The following NOCT variants were observed in gnomAD, a reference collection of about 807,000 sequenced individuals.
The protein encoded by NOCT is CCR4 carbon catabolite repression 4-like.
Under a neutral mutation model 35.0 loss-of-function variants are expected in NOCT, and 18 were observed. The ratio of observed to expected loss-of-function variants is 0.51; its 90% CI spans 0.36 to 0.76. The LOEUF (loss-of-function observed/expected upper bound fraction) is 0.76. Ranked by LOEUF, NOCT falls within the 30% of genes least tolerant of loss-of-function variation. The probability of loss-of-function intolerance (pLI) is 0.01; values close to 1 mark genes in which losing one functional copy is unlikely to be tolerated. For synonymous variants in NOCT, 235 were observed against 226.3 expected, an observed-to-expected ratio of 1.04 and a Z score of -0.34; for missense variants, 479 against 541.0, an observed-to-expected ratio of 0.89 and a Z score of 1.14.
intron 1 of NOCT, among the ~76,000 whole-genome samples, chr4:139,036,614 G>A (rs1264489172): frequency 6.6e-6 from 1 of 152,084 alleles, no homozygotes; most frequent in East Asian, 1.9e-4. Flanking sequence ...TGCATAGTTA[G>A]CACCCAGTTT....
rs557342768 is a variant in NOCT at position 139,039,862 on chromosome 4, G to C, written c.191-3212G>C. ...CCTGCCTCACCCTCGCGAGTAGCTG[G>C]GATTACAGGCGCCCAACACCATGCC... On this transcript the variant is annotated intron_variant, in intron 1 of 2. Coordinates refer to ENST00000280614, the MANE Select transcript of NOCT (RefSeq NM_012118.4). 5.3e-5 allele frequency among the ~76,000 whole-genome samples: 8 copies of C among 152,014 alleles called. No individual in the cohort carries two copies. In the East Asian group the frequency reaches 1.4e-3, roughly 26 times the overall value.
chr4:139,018,338 T>G (rs1014691882), intron 1 of NOCT, among the ~76,000 whole-genome samples: 1 of 152,180 alleles, frequency 6.6e-6, no homozygotes, highest in Non-Finnish European at 1.5e-5. Flanking sequence ...GTGTAAAACA[T>G]AGATGGCTGT....
chr4:139,045,250 G>C lies in NOCT; in HGVS notation c.1072G>C (p.Glu358Gln), dbSNP rs1243083050. 3.1e-6 allele frequency: 5 copies of C among 1,614,036 alleles called. No individual in the cohort carries two copies. Among genetic ancestry groups the C allele is most frequent in the Non-Finnish European group, 4.2e-6 (5 of 1,180,046 alleles). ...YKLLSADGQS[E>Q]PPYTTWKIRT... ...GCTGCTGAGTGCTGATGGGCAGTCA[G>C]AACCCCCATACACTACCTGGAAGAT... Residue 358 changes from glutamate (E) to glutamine (Q), a missense_variant, in exon 3 of 3, where the codon GAA (glutamate) becomes CAA (glutamine). Coordinates refer to ENST00000280614, the MANE Select transcript of NOCT (RefSeq NM_012118.4).
chr4:139,030,316 A>G (rs1726600518), intron 1 of NOCT, among the ~76,000 whole-genome samples: 1 of 152,204 alleles, frequency 6.6e-6, no homozygotes, highest in African/African-American at 2.4e-5. Context: ...TGCTTGGTAT[A>G]CCATAAAATG....
intron 1 of NOCT, among the ~76,000 whole-genome samples, chr4:139,023,563 T>G (rs1233932187): frequency 6.6e-6 from 1 of 152,184 alleles, no homozygotes; most frequent in Non-Finnish European, 1.5e-5. Flanking sequence ...TGGCGCGATG[T>G]CAGCTCACTG....
intron 1 of NOCT, among the ~76,000 whole-genome samples, chr4:139,039,763 C>G (rs1406158481): frequency 6.6e-6 from 1 of 152,088 alleles, no homozygotes; most frequent in African/African-American, 2.4e-5. Flanking sequence ...GAGTATCGCT[C>G]TATTGCCAGG....
chr4:139,016,939 C>T (rs1726322008), intron 1 of NOCT, among the ~76,000 whole-genome samples: 1 of 150,512 alleles, frequency 6.6e-6, no homozygotes, highest in South Asian at 2.1e-4. Flanking sequence ...AGGCGTGAGC[C>T]ACCGCGCTCG....
At chr4:139,017,792 G>A (rs891351697) in intron 1 of NOCT, among the ~76,000 whole-genome samples, 2 of 151,840 alleles carry the variant, frequency 1.3e-5, no homozygotes, top group Admixed American at 6.6e-5. Flanking sequence ...GTAAAACTCC[G>A]TCTCAAAACA....
At chr4:139,035,051 T>C (rs1251654198) in intron 1 of NOCT, among the ~76,000 whole-genome samples, 1 of 152,222 alleles carries the variant, frequency 6.6e-6, no homozygotes, top group Non-Finnish European at 1.5e-5. Flanking sequence ...TCCTATTTTC[T>C]GTAAACCCTG....
intron 1 of NOCT, among the ~76,000 whole-genome samples, chr4:139,033,065 CA>C (rs1435993785): frequency 2.7e-5 from 4 of 147,766 alleles, no homozygotes; most frequent in Admixed American, 1.4e-4. Flanking sequence ...ACTCCATCTC[CA>C]AAAAAAAAGT....
At chr4:139,035,845 T>A (rs1168357414) in intron 1 of NOCT, among the ~76,000 whole-genome samples, 1 of 152,098 alleles carries the variant, frequency 6.6e-6, no homozygotes, top group Non-Finnish European at 1.5e-5. Flanking sequence ...ATCCCCTCTG[T>A]TTATCAAGCT....
At position 139,042,071 on chromosome 4, in the gene NOCT, C is replaced by CTTTTT. The variant is rs368776726; in HGVS notation, c.191-987_191-983dup. 6.2e-3 allele frequency among the ~76,000 whole-genome samples: 669 copies of CTTTTT among 108,730 alleles called. 18 individuals are homozygous for CTTTTT. Among genetic ancestry groups the CTTTTT allele is most frequent in the Middle Eastern group, 0.01 (2 of 192 alleles). The allele number at this position is 108,730 out of a possible 152,430, so 71.3% of individuals were successfully genotyped here. A position where few individuals can be genotyped will look rare whatever the true frequency, so the allele number is the denominator to read the frequency against. ...CTTTTTACAAACTAGTCTTTAAGAT[C>CTTTTT]TTTTTTTTTTTTTTTTTTTTGAGTC... On this transcript the variant is annotated intron_variant, in intron 1 of 2. Transcript: ENST00000280614.
chr4:139,026,714 C>T (rs1453702276), intron 1 of NOCT, among the ~76,000 whole-genome samples: 2 of 151,900 alleles, frequency 1.3e-5, no homozygotes, highest in African/African-American at 4.8e-5. Flanking sequence ...TCACACCCAA[C>T]TAATTTTTGT....
chr4:139,017,088 A>G (rs1726325615), intron 1 of NOCT, among the ~76,000 whole-genome samples: 1 of 151,374 alleles, frequency 6.6e-6, no homozygotes. Flanking sequence ...ATACATCATA[A>G]TAACTACCCT....
chr4:139,037,321 T>C (rs1210681377), intron 1 of NOCT, among the ~76,000 whole-genome samples: 1 of 152,212 alleles, frequency 6.6e-6, no homozygotes, highest in Non-Finnish European at 1.5e-5. Context: ...GAAAGGCAAA[T>C]TGCAGTGTAT....
At chr4:139,033,246 A>T (rs28650192) in intron 1 of NOCT, among the ~76,000 whole-genome samples, 1 of 151,800 alleles carries the variant, frequency 6.6e-6, no homozygotes, top group Non-Finnish European at 1.5e-5. Flanking sequence ...GTGACATAAT[A>T]CCAGCTACTC....
At chr4:139,026,027 T>C (rs1426564646) in intron 1 of NOCT, among the ~76,000 whole-genome samples, 1 of 152,172 alleles carries the variant, frequency 6.6e-6, no homozygotes, top group African/African-American at 2.4e-5. Context: ...CTAAACATCT[T>C]TTATTGGTTT....
At chr4:139,035,221 G>C (rs1359568208) in intron 1 of NOCT, among the ~76,000 whole-genome samples, 2 of 151,928 alleles carry the variant, frequency 1.3e-5, no homozygotes, top group Non-Finnish European at 2.9e-5. Flanking sequence ...CAATCTCCTG[G>C]GCTCAGGCAA....
chr4:139,029,667 C>T (rs759508710), intron 1 of NOCT, among the ~76,000 whole-genome samples: 2 of 152,184 alleles, frequency 1.3e-5, no homozygotes, highest in East Asian at 1.9e-4. Context: ...ATTGCCCAGG[C>T]GGGTCTCGAG....
Sources: gnomAD v4.1 joint callset for allele counts (sites outside exome capture counted in the v4.1 genomes callset) on GRCh38, gnomAD v4.1.1 for gene constraint, MANE v1.5 for transcripts, NCBI Gene and HGNC (gene_info 2026-07-23, HGNC 2026-07-21) for gene names.